FYN: variants seen among roughly 807,000 people sequenced by gnomAD.
FYN encodes tyrosine-protein kinase Fyn.
Under a neutral mutation model 70.2 loss-of-function variants are expected in FYN, and 10 were observed. The ratio of observed to expected loss-of-function variants is 0.14; its 90% CI spans 0.09 to 0.24. FYN has a LOEUF of 0.24. Among genes scored for constraint, FYN ranks in the 10% least tolerant of loss-of-function variants. The pLI is 1.00. For missense variants in FYN, 319 were observed against 673.1 expected (o/e 0.47, Z 5.82); for synonymous variants, 236 against 248.6 (o/e 0.95, Z 0.48).
chr6:111,665,995 CTTTTTTTTTTTTT>C (rs991104460), intron 13 of FYN, among the ~76,000 whole-genome samples: 5 of 89,050 alleles, frequency 5.6e-5, no homozygotes, highest in South Asian at 4.0e-4. Context: ...CCTTTTTCTC[CTTTTTTTTTTTTT>C]TTTTTTTTTT....
chr6:111,688,846 A>G (rs1419134666), intron 12 of FYN, among the ~76,000 whole-genome samples: 2 of 151,922 alleles, frequency 1.3e-5, no homozygotes. Flanking sequence ...TGGATGTGTG[A>G]CTCCCCGCTG....
At chr6:111,744,198 G>C (rs1435749647) in intron 3 of FYN, among the ~76,000 whole-genome samples, 1 of 152,198 alleles carries the variant, frequency 6.6e-6, no homozygotes, top group African/African-American at 2.4e-5. Context: ...ATATTACATT[G>C]GCCCAGCAAA....
intron 3 of FYN, among the ~76,000 whole-genome samples, chr6:111,732,184 A>C (rs77945376): frequency 7.3e-4 from 111 of 152,370 alleles, no homozygotes; most frequent in African/African-American, 2.6e-3. Context: ...CACTGGGTTT[A>C]CATACCAGCA....
intron 3 of FYN, among the ~76,000 whole-genome samples, chr6:111,738,159 G>A (rs117535919): frequency 0.014 from 2,130 of 152,252 alleles, 23 homozygotes; most frequent in Non-Finnish European, 0.021. Context: ...CACACACACC[G>A]CTAGCAGGAC....
intron 12 of FYN, among the ~76,000 whole-genome samples, chr6:111,692,015 T>C (rs1432412018): frequency 3.3e-5 from 5 of 152,042 alleles, no homozygotes; most frequent in Admixed American, 2.0e-4. Flanking sequence ...TATAAATGGC[T>C]CTGCCACTCC....
rs561695122 is a variant in FYN, at chr6:111,788,504, C to T, written c.-81-7869G>A. 1.3e-3 allele frequency among the ~76,000 whole-genome samples: 198 copies of T among 152,210 alleles called. 1 individual carries two copies. The highest frequency in any genetic ancestry group is 4.5e-3 in the African/African-American group (188 of 41,516). On this transcript the variant is annotated intron_variant, in intron 2 of 13. Coordinates refer to ENST00000354650, the MANE Select transcript of FYN (RefSeq NM_002037.5). ...GTGAGTCTTTGTTGAGTCTCATTTT[C>T]GAAAGCAAAGAATGGGGGTGAGGGG...
At chr6:111,782,196 T>C (rs1211167378) in intron 2 of FYN, among the ~76,000 whole-genome samples, 2 of 152,254 alleles carry the variant, frequency 1.3e-5, no homozygotes, top group Non-Finnish European at 2.9e-5. Flanking sequence ...CTTTATTTGA[T>C]ATAGGTACTT....
At chr6:111,668,953 G>A (rs144579053) in intron 13 of FYN, among the ~76,000 whole-genome samples, 2,988 of 152,220 alleles carry the variant, frequency 0.02, 40 homozygotes, top group Non-Finnish European at 0.031. Flanking sequence ...ATGTATCTAC[G>A]GTTCAGGGCT....
chr6:111,781,589 T>C (rs1195771216), intron 2 of FYN, among the ~76,000 whole-genome samples: 2 of 152,166 alleles, frequency 1.3e-5, no homozygotes, highest in African/African-American at 4.8e-5. Flanking sequence ...GACATTATCC[T>C]ATCAAATGCT....
rs751093740 is a variant in FYN, at chr6:111,719,876, T to C, written c.176A>G (p.Gln59Arg). 2.5e-6 allele frequency: 4 copies of C among 1,614,022 alleles called. No homozygotes were observed. Among genetic ancestry groups the C allele is most frequent in the African/African-American group, 2.7e-5 (2 of 74,904 alleles). Residue 59 changes from glutamine (Q) to arginine (R), a missense_variant, in exon 4 of 14, where the codon CAA (glutamine) becomes CGA (arginine). This residue lies in a region of FYN where 128 missense variants were observed against 183.9 expected (regional missense o/e 0.70). Coordinates refer to ENST00000354650, the MANE Select transcript of FYN (RefSeq NM_002037.5). ...CACACCTCCAAAGACGGTGAGTCCTTGGCCCCCGGCTGCGTGGAAGTTGTT... is the reference window on the plus strand; with the variant it reads ...CACACCTCCAAAGACGGTGAGTCCTCGGCCCCCGGCTGCGTGGAAGTTGTT... Reference protein sequence around the residue: ...NYNNFHAAGGQGLTVFGGVNS... With the variant: ...NYNNFHAAGGRGLTVFGGVNS...
At chr6:111,751,183 G>C (rs1271485208) in intron 3 of FYN, among the ~76,000 whole-genome samples, 1 of 152,128 alleles carries the variant, frequency 6.6e-6, no homozygotes, top group African/African-American at 2.4e-5. Context: ...CAGAACTTCT[G>C]GGAAACATAA....
At chr6:111,847,992 T>C (rs1016492129) in intron 1 of FYN, among the ~76,000 whole-genome samples, 7 of 152,346 alleles carry the variant, frequency 4.6e-5, no homozygotes, top group Middle Eastern at 3.4e-3. Flanking sequence ...CGCCAGGCAA[T>C]AGATGCCTTT....
intron 5 of FYN, among the ~76,000 whole-genome samples, chr6:111,713,068 G>A (rs17072841): frequency 0.11 from 16,401 of 152,084 alleles, 1,510 homozygotes; most frequent in African/African-American, 0.25. Context: ...CCTAATATAT[G>A]TTTGAAAACC....
chr6:111,840,642 TA>T (rs1169973904), intron 2 of FYN, among the ~76,000 whole-genome samples: 1 of 152,230 alleles, frequency 6.6e-6, no homozygotes, highest in Non-Finnish European at 1.5e-5. Flanking sequence ...TGTTGTGGGC[TA>T]AAAGTGGGCA....
intron 2 of FYN, among the ~76,000 whole-genome samples, chr6:111,792,597 C>T (rs1318292483): frequency 6.6e-6 from 1 of 152,186 alleles, no homozygotes; most frequent in Non-Finnish European, 1.5e-5. Context: ...CTAAATACAT[C>T]TTGATATGTT....
rs550235212 is a variant in FYN, at chr6:111,854,337, G to A, written c.-122-7708C>T. On this transcript the variant is annotated intron_variant, in intron 1 of 13. Transcript: ENST00000354650. ...AACACCTCCCTTTCAAGGACAACAC[G>A]CAGTATGCTCACCATAAAACAAAGA... 1.1e-3 allele frequency among the ~76,000 whole-genome samples: 163 copies of A among 152,200 alleles called. 2 individuals are homozygous for A. Among genetic ancestry groups the A allele is most frequent in the Non-Finnish European group, 4.1e-4 (28 of 68,004 alleles).
At chr6:111,758,568 C>T (rs1243404694) in intron 3 of FYN, among the ~76,000 whole-genome samples, 15 of 152,126 alleles carry the variant, frequency 9.9e-5, no homozygotes, top group Non-Finnish European at 2.1e-4. Flanking sequence ...AGTGAAAATA[C>T]CCAACAAAAG....
intron 2 of FYN, among the ~76,000 whole-genome samples, chr6:111,841,416 CAA>C (rs1050076864): frequency 1.3e-4 from 20 of 152,172 alleles, no homozygotes; most frequent in African/African-American, 4.6e-4. Flanking sequence ...GGCTTCAGGA[CAA>C]GAGAGCATCC....
intron 2 of FYN, among the ~76,000 whole-genome samples, chr6:111,793,209 A>T (rs1170141429): frequency 6.6e-6 from 1 of 152,242 alleles, no homozygotes; most frequent in East Asian, 1.9e-4. Context: ...TTTTTAATTC[A>T]CTTTAAGATG....
Sources: allele counts gnomAD v4.1 joint callset (sites outside exome capture counted in the v4.1 genomes callset), GRCh38; gene constraint gnomAD v4.1.1; regional missense constraint gnomAD v4.1.1; transcripts MANE v1.5; gene names NCBI Gene and HGNC (gene_info 2026-07-23, HGNC 2026-07-21).